The following SLC4A4 variants were observed in gnomAD, a reference collection of about 807,000 sequenced individuals.
SLC4A4 encodes solute carrier family 4 member 4.
A neutral mutation model predicts 111.5 loss-of-function variants in SLC4A4; 27 were observed. The ratio of observed to expected loss-of-function variants is 0.24; its 90% CI spans 0.18 to 0.33. The LOEUF (loss-of-function observed/expected upper bound fraction) is 0.33. Among genes scored for constraint, SLC4A4 ranks in the 10% least tolerant of loss-of-function variants. SLC4A4 has a pLI of 1.00. For missense variants in SLC4A4, 909 were observed against 1,315.5 expected (o/e 0.69, Z 4.78); for synonymous variants, 443 against 463.4 (o/e 0.96, Z 0.57).
chr4:71,063,299 C>T (rs1741434265), intron 1 of SLC4A4, among the ~76,000 whole-genome samples: 1 of 152,072 alleles, frequency 6.6e-6, no homozygotes, highest in African/African-American at 2.4e-5. Context: ...TGTTCTGAAA[C>T]GTTTCTGTTG....
chr4:71,288,290 T>C (rs952338359), intron 3 of SLC4A4, among the ~76,000 whole-genome samples: 2 of 152,182 alleles, frequency 1.3e-5, no homozygotes, highest in Non-Finnish European at 2.9e-5. Flanking sequence ...AGTGATTTTC[T>C]TTCAGAGAGA....
chr4:71,278,785 A>T (rs1173662025), intron 3 of SLC4A4, among the ~76,000 whole-genome samples: 1 of 152,166 alleles, frequency 6.6e-6, no homozygotes, highest in Non-Finnish European at 1.5e-5. Context: ...CATTTAAAAA[A>T]TGAGATTGTC....
At chr4:71,241,303 C>A (rs752952053) in intron 2 of SLC4A4, among the ~76,000 whole-genome samples, 1 of 151,984 alleles carries the variant, frequency 6.6e-6, no homozygotes, top group Non-Finnish European at 1.5e-5. Flanking sequence ...GTCCTAAACA[C>A]CTCTGCTTTA....
chr4:71,095,653 G>C (rs1742524191), intron 2 of SLC4A4, among the ~76,000 whole-genome samples: 1 of 152,138 alleles, frequency 6.6e-6, no homozygotes, highest in Non-Finnish European at 1.5e-5. Flanking sequence ...ATAAGGTCTA[G>C]GTACTATGTT....
In SLC4A4 at chr4:71,461,876, T is replaced by C. The variant is rs559798588; in HGVS notation, c.1498-4568T>C. Among the ~76,000 whole-genome samples the C allele has an allele frequency of 5.3e-5, 8 of 152,314 alleles. No individual in the cohort carries two copies. The South Asian group carries it at 1.7e-3, about 32-fold the overall frequency. On this transcript the variant is annotated intron_variant, in intron 12 of 25. Transcript: ENST00000264485. ...GTAAAGTAAAGCAAGCTATTTTGTTTATTATCATTGACTTGCACGTGATGC... is the reference window on the plus strand; with the variant it reads ...GTAAAGTAAAGCAAGCTATTTTGTTCATTATCATTGACTTGCACGTGATGC...
At chr4:71,297,850 A>C (rs1335611689) in intron 3 of SLC4A4, among the ~76,000 whole-genome samples, 1 of 152,136 alleles carries the variant, frequency 6.6e-6, no homozygotes, top group African/African-American at 2.4e-5. Flanking sequence ...AGCCTCCCAA[A>C]GTGCTGGGAT....
chr4:71,184,527 C>T (rs1171580684), upstream of SLC4A4, among the ~76,000 whole-genome samples: 2 of 152,150 alleles, frequency 1.3e-5, no homozygotes, highest in East Asian at 1.9e-4. Context: ...TCCTTTAGTA[C>T]AGAGAGTTGT....
intron 5 of SLC4A4, among the ~76,000 whole-genome samples, chr4:71,350,843 C>T (rs1267889114): frequency 1.3e-5 from 2 of 152,048 alleles, no homozygotes; most frequent in East Asian, 3.9e-4. Context: ...CCCCATAATC[C>T]CAGGGTAGGC....
intron 2 of SLC4A4, among the ~76,000 whole-genome samples, chr4:71,142,785 T>TA (rs1491423766): frequency 1.0e-5 from 1 of 96,134 alleles, no homozygotes; most frequent in Non-Finnish European, 2.4e-5. Context: ...TTTTTTTTTT[T>TA]AGCTTTCTAC....
chr4:71,286,695 A>G (rs1578756214), intron 3 of SLC4A4, among the ~76,000 whole-genome samples: 1 of 152,174 alleles, frequency 6.6e-6, no homozygotes, highest in African/African-American at 2.4e-5. Context: ...CTTTATAACA[A>G]TCTTGTGTGG....
At chr4:71,553,759 A>C (rs1736236718) in intron 20 of SLC4A4, among the ~76,000 whole-genome samples, 1 of 151,896 alleles carries the variant, frequency 6.6e-6, no homozygotes. Flanking sequence ...AAATAAATGA[A>C]GGCATGTGTC....
intron 13 of SLC4A4, among the ~76,000 whole-genome samples, chr4:71,469,560 A>G (rs1172995958): frequency 6.6e-6 from 1 of 151,944 alleles, no homozygotes; most frequent in Admixed American, 6.6e-5. Flanking sequence ...TTAATTCACC[A>G]TAATTTCTTC....
chr4:71,559,321 T>C (rs974719529), intron 22 of SLC4A4, among the ~76,000 whole-genome samples: 7 of 151,804 alleles, frequency 4.6e-5, no homozygotes, highest in Non-Finnish European at 1.0e-4. Context: ...GAACCAAAAA[T>C]ACACAGGTCA....
At chr4:71,183,959 G>A (rs1745377891), upstream of SLC4A4, among the ~76,000 whole-genome samples, 1 of 152,062 alleles carries the variant, frequency 6.6e-6, no homozygotes, top group Admixed American at 6.6e-5. Context: ...ATAACTCCAG[G>A]AGAAACATCC....
intron 3 of SLC4A4, among the ~76,000 whole-genome samples, chr4:71,273,067 A>G (rs1428276147): frequency 2.0e-5 from 3 of 152,200 alleles, no homozygotes; most frequent in African/African-American, 7.2e-5. Context: ...GGTAATGCTC[A>G]CTGAGTTTTG....
intron 21 of SLC4A4, among the ~76,000 whole-genome samples, chr4:71,555,795 G>C (rs963860370): frequency 6.6e-6 from 1 of 151,804 alleles, no homozygotes; most frequent in Non-Finnish European, 1.5e-5. Context: ...TCAGCTACTT[G>C]GGAGGCTGAG....
chr4:71,147,504 T>C (rs567543750), intron 2 of SLC4A4, among the ~76,000 whole-genome samples: 2 of 152,196 alleles, frequency 1.3e-5, no homozygotes, highest in African/African-American at 2.4e-5. Context: ...CCTTTCTCCT[T>C]GCACTTCTCC....
chr4:71,273,595 G>T (rs1420074745), intron 3 of SLC4A4, among the ~76,000 whole-genome samples: 7 of 151,410 alleles, frequency 4.6e-5, no homozygotes, highest in Admixed American at 4.6e-4. Context: ...AATGCATAGT[G>T]TTTGTATTAC....
In SLC4A4 at chr4:71,243,466, A is replaced by G. The variant is rs1720405235; in HGVS notation, c.73+6817A>G. ...AGAATGAGTAAAATAAGAATATAATAAAGATCAGTTGAGGCTTTCTTGTTG... is the reference window on the plus strand; with the variant it reads ...AGAATGAGTAAAATAAGAATATAATGAAGATCAGTTGAGGCTTTCTTGTTG... On this transcript the variant is annotated intron_variant, in intron 2 of 25. Transcript: ENST00000264485. 2.6e-5 allele frequency among the ~76,000 whole-genome samples: 4 copies of G among 152,226 alleles called. No homozygotes were observed. In the South Asian group the frequency reaches 8.3e-4, roughly 32 times the overall value.
Sources: allele counts gnomAD v4.1 joint callset (sites outside exome capture counted in the v4.1 genomes callset), GRCh38; gene constraint gnomAD v4.1.1; transcripts MANE v1.5; gene names NCBI Gene and HGNC (gene_info 2026-07-23, HGNC 2026-07-21).